Variants in CCDC171 observed in about 807,000 individuals in gnomAD.
CCDC171 encodes the protein coiled-coil domain containing 171.
In CCDC171, 177 loss-of-function variants were observed where a neutral mutation model predicts 168.2. The ratio of observed to expected loss-of-function variants is 1.05; its 90% confidence interval spans 0.93 to 1.19. The LOEUF (loss-of-function observed/expected upper bound fraction) is 1.19, where lower values mean the gene tolerates loss of function less well. Among genes scored for constraint, CCDC171 ranks in the 50% most tolerant of loss-of-function variants. CCDC171 has a pLI of 0.00. For missense variants in CCDC171, 1,991 were observed against 1,539.0 expected (o/e 1.29, Z -4.91); for synonymous variants, 687 against 540.8 (o/e 1.27, Z -3.75).
intron 25 of CCDC171, among the ~76,000 whole-genome samples, chr9:15,935,859 A>G (rs1207631931): frequency 6.6e-6 from 1 of 152,116 alleles, no homozygotes; most frequent in Non-Finnish European, 1.5e-5. Flanking sequence ...AATAGAATCC[A>G]TATGTAATTA....
chr9:16,027,973 G>T (rs551862425), intron 6 of CCDC171, among the ~76,000 whole-genome samples: 11 of 152,256 alleles, frequency 7.2e-5, no homozygotes, highest in African/African-American at 2.4e-4. Context: ...CTAGGTGTAA[G>T]GGGTTCTGGG....
intron 24 of CCDC171, chr9:15,875,092 T>C (rs1817670526): frequency 1.3e-5 from 2 of 152,182 alleles, no homozygotes; most frequent in Admixed American, 6.6e-5. Context: ...ACCTGAAATA[T>C]CTCAATATTA....
At chr9:15,581,900 G>C (rs959738905) in intron 4 of CCDC171, among the ~76,000 whole-genome samples, 1 of 152,096 alleles carries the variant, frequency 6.6e-6, no homozygotes, top group Non-Finnish European at 1.5e-5. Context: ...AACACCAAAA[G>C]CAATGGCAAC....
At chr9:15,882,333 G>T (rs1367261247) in intron 24 of CCDC171, among the ~76,000 whole-genome samples, 1 of 152,152 alleles carries the variant, frequency 6.6e-6, no homozygotes, top group Admixed American at 6.5e-5. Context: ...GCATATTCTG[G>T]TTGTTAATCC....
At chr9:15,647,173 G>C (rs1354417634) in intron 7 of CCDC171, among the ~76,000 whole-genome samples, 1 of 152,004 alleles carries the variant, frequency 6.6e-6, no homozygotes, top group Non-Finnish European at 1.5e-5. Context: ...ACAAAATGAA[G>C]GCAGAAATAA....
chr9:15,937,845 C>T (rs1431141059), intron 25 of CCDC171, among the ~76,000 whole-genome samples: 1 of 151,880 alleles, frequency 6.6e-6, no homozygotes, highest in Admixed American at 6.6e-5. Flanking sequence ...GAGTATTTAA[C>T]TCTGTCACTG....
intron 6 of CCDC171, among the ~76,000 whole-genome samples, chr9:16,031,364 GAA>G (rs1833361480): frequency 6.6e-6 from 1 of 152,148 alleles, no homozygotes; most frequent in Admixed American, 6.5e-5. Context: ...TTTCACACCT[GAA>G]AAACTTGAAA....
chr9:15,824,312 C>G (rs2059922290), intron 21 of CCDC171, among the ~76,000 whole-genome samples: 1 of 151,760 alleles, frequency 6.6e-6, no homozygotes, highest in Admixed American at 6.6e-5. Context: ...CACATTTTTA[C>G]AAATAATTAT....
In CCDC171 at chr9:15,608,978, G is replaced by GT. The variant is rs201659401; in HGVS notation, c.676-14280dup. On this transcript the variant is annotated intron_variant, in intron 6 of 25. Transcript: ENST00000380701. Reference sequence around the variant, plus strand: ...AAAAAAAAAAAAAAAAAAAAGAGTGGTTTTTTTTTAAAAAATATATTTAGT... The same window carrying GT: ...AAAAAAAAAAAAAAAAAAAAGAGTGGTTTTTTTTTTAAAAAATATATTTAGT... 9.1e-4 allele frequency among the ~76,000 whole-genome samples: 113 copies of GT among 124,174 alleles called. 1 individual carries two copies. The highest frequency in any genetic ancestry group is 9.1e-3 in the South Asian group (34 of 3,756). The allele number at this position is 124,174 out of a possible 152,430, so 81.5% of individuals were successfully genotyped here.
intron 23 of CCDC171, among the ~76,000 whole-genome samples, chr9:15,858,317 C>T (rs1304060275): frequency 6.6e-6 from 1 of 152,032 alleles, no homozygotes; most frequent in Non-Finnish European, 1.5e-5. Context: ...CTGCATCCAG[C>T]CATCTTTGTA....
chr9:15,892,288 A>G (rs1820317618), intron 24 of CCDC171, among the ~76,000 whole-genome samples: 1 of 152,166 alleles, frequency 6.6e-6, no homozygotes, highest in Non-Finnish European at 1.5e-5. Flanking sequence ...CCAGTTGTCA[A>G]GGGGAATGCT....
At chr9:15,920,498 A>G (rs747412667) in intron 25 of CCDC171, 76 bp downstream of exon 25, 594 of 1,066,374 alleles carry the variant, frequency 5.6e-4, no homozygotes, top group Non-Finnish European at 5.5e-4. Flanking sequence ...TTTAATGTTC[A>G]TAAGATCATT....
chr9:16,011,203 C>T (rs993326970), intron 3 of CCDC171, among the ~76,000 whole-genome samples: 1 of 151,960 alleles, frequency 6.6e-6, no homozygotes, highest in Non-Finnish European at 1.5e-5. Context: ...ATGAGGTGAC[C>T]TTGAGGATGC....
chr9:15,732,948 G>A (rs1357140251), intron 16 of CCDC171, among the ~76,000 whole-genome samples: 1 of 152,018 alleles, frequency 6.6e-6, no homozygotes, highest in Non-Finnish European at 1.5e-5. Flanking sequence ...TTTTGATTTG[G>A]TCTGCACCTG....
intron 23 of CCDC171, among the ~76,000 whole-genome samples, chr9:15,856,359 G>A (rs914376717): frequency 1.1e-4 from 16 of 151,676 alleles, no homozygotes; most frequent in African/African-American, 3.6e-4. Context: ...CCCAGCCCCT[G>A]GTAACCACCA....
chr9:16,033,996 T>C (rs1275796754), intron 6 of CCDC171, among the ~76,000 whole-genome samples: 1 of 152,208 alleles, frequency 6.6e-6, no homozygotes, highest in Admixed American at 6.5e-5. Flanking sequence ...GTGCTTCACA[T>C]GTGCACAACA....
intron 3 of CCDC171, among the ~76,000 whole-genome samples, chr9:16,009,581 G>A (rs1041527060): frequency 6.6e-5 from 10 of 152,114 alleles, no homozygotes; most frequent in Non-Finnish European, 1.2e-4. Context: ...TCTGGTAAGT[G>A]AATGAGAATC....
chr9:15,866,820 A>G (rs2061808668), intron 23 of CCDC171, among the ~76,000 whole-genome samples: 1 of 152,034 alleles, frequency 6.6e-6, no homozygotes, highest in African/African-American at 2.4e-5. Context: ...GAGGGATGGA[A>G]TTCTGTCTCC....
At chr9:16,055,646 T>G (rs982908722) in intron 1 of CCDC171, among the ~76,000 whole-genome samples, 1 of 152,230 alleles carries the variant, frequency 6.6e-6, no homozygotes, top group Non-Finnish European at 1.5e-5. Flanking sequence ...AACGTGTAAT[T>G]TCTTGATGCC....
Sources: gnomAD v4.1 joint callset for allele counts (sites outside exome capture counted in the v4.1 genomes callset) on GRCh38, gnomAD v4.1.1 for gene constraint, MANE v1.5 for transcripts, NCBI Gene and HGNC (gene_info 2026-07-23, HGNC 2026-07-21) for gene names.